Variants in SLC2A13 observed in about 807,000 individuals in gnomAD.
SLC2A13 encodes the protein proton myo-inositol cotransporter.
A neutral mutation model predicts 64.4 loss-of-function variants in SLC2A13; 32 were observed. The ratio of observed to expected loss-of-function variants is 0.50; its 90% confidence interval spans 0.37 to 0.67. The LOEUF is 0.67. Among genes scored for constraint, SLC2A13 ranks in the 30% least tolerant of loss-of-function variants. The pLI is 0.00. For synonymous variants in SLC2A13, 338 were observed against 327.1 expected (o/e 1.03, Z -0.36); for missense variants, 743 against 829.2 (o/e 0.90, Z 1.28).
chr12:39,980,314 C>T (rs562451739), intron 3 of SLC2A13, among the ~76,000 whole-genome samples: 1 of 151,864 alleles, frequency 6.6e-6, no homozygotes, highest in Non-Finnish European at 1.5e-5. Flanking sequence ...ATCAAATTCA[C>T]ACATAACAAT....
At chr12:39,892,112 T>C (rs1428405491) in intron 4 of SLC2A13, among the ~76,000 whole-genome samples, 1 of 152,236 alleles carries the variant, frequency 6.6e-6, no homozygotes, top group African/African-American at 2.4e-5. Flanking sequence ...TACTGCAGTT[T>C]ACATTCCCAC....
chr12:39,909,822 GTT>G (rs2136038059), intron 4 of SLC2A13, among the ~76,000 whole-genome samples: 1 of 149,936 alleles, frequency 6.7e-6, no homozygotes, highest in South Asian at 2.1e-4. Flanking sequence ...AACTCAATGA[GTT>G]ATCCGTTTTC....
At chr12:39,818,151 C>T (rs1942391698) in intron 7 of SLC2A13, among the ~76,000 whole-genome samples, 2 of 152,156 alleles carry the variant, frequency 1.3e-5, no homozygotes, top group South Asian at 4.1e-4. Context: ...GATCCCTTCT[C>T]ACAGTTAAGC....
At chr12:39,801,526 G>A (rs1176262947) in intron 7 of SLC2A13, among the ~76,000 whole-genome samples, 1 of 152,004 alleles carries the variant, frequency 6.6e-6, no homozygotes, top group African/African-American at 2.4e-5. Context: ...TCAAATTTGG[G>A]AAATATTCCA....
At position 40,031,193 on chromosome 12, in the gene SLC2A13, G is replaced by T. The variant is rs141574566; in HGVS notation, c.717-2684C>A. Among the ~76,000 whole-genome samples the T allele has an allele frequency of 4.9e-3, 738 of 152,144 alleles. 9 individuals carry two copies. The highest frequency in any genetic ancestry group is 0.017 in the African/African-American group (718 of 41,506). ...TCAGCTCCGGGCATACAAACCACAA[G>T]AACCTGGTCAAGTTACTTACACCAT... On this transcript the variant is annotated intron_variant, in intron 2 of 9. Transcript: ENST00000280871.
intron 4 of SLC2A13, among the ~76,000 whole-genome samples, chr12:39,900,580 T>C (rs1345221208): frequency 9.9e-5 from 15 of 151,978 alleles, no homozygotes; most frequent in East Asian, 1.9e-4. Flanking sequence ...AGTGAACTCC[T>C]ATTCACAATT....
intron 3 of SLC2A13, among the ~76,000 whole-genome samples, chr12:40,027,908 T>A (rs1947842731): frequency 6.6e-6 from 1 of 152,216 alleles, no homozygotes; most frequent in South Asian, 2.1e-4. Flanking sequence ...AGACTTTTCT[T>A]GGTTTTCTGA....
Position 39,802,098 on chromosome 12 carries a change from G to A in SLC2A13, c.1445+28005C>T, listed in dbSNP as rs200343120. Among the ~76,000 whole-genome samples the A allele has an allele frequency of 1.5e-4, 23 of 152,294 alleles. No homozygotes were observed. In the East Asian group the frequency reaches 4.4e-3, roughly 29 times the overall value. Reference sequence around the variant, plus strand: ...CTAAGTGGGGTTGGGCAGTTGATGGGCTGGTCAGGAAGGCCCCGCTGGTTT... The same window carrying A: ...CTAAGTGGGGTTGGGCAGTTGATGGACTGGTCAGGAAGGCCCCGCTGGTTT... On this transcript the variant is annotated intron_variant, in intron 7 of 9. Coordinates refer to ENST00000280871, the MANE Select transcript of SLC2A13 (RefSeq NM_052885.4).
intron 1 of SLC2A13, among the ~76,000 whole-genome samples, chr12:40,076,742 T>C (rs755259605): frequency 6.6e-6 from 1 of 152,166 alleles, no homozygotes; most frequent in Non-Finnish European, 1.5e-5. Context: ...TCCACGGTGG[T>C]TGAACTAATT....
chr12:39,988,811 TATAAGTCAAAAAC>T (rs1947082067), intron 3 of SLC2A13, among the ~76,000 whole-genome samples: 1 of 152,052 alleles, frequency 6.6e-6, no homozygotes, highest in South Asian at 2.1e-4. Flanking sequence ...TTTTATCATA[TATAAGTCAAAAAC>T]CTTTGAGTCA....
At chr12:40,098,994 G>A (rs1219074365) in intron 1 of SLC2A13, among the ~76,000 whole-genome samples, 1 of 152,172 alleles carries the variant, frequency 6.6e-6, no homozygotes, top group Non-Finnish European at 1.5e-5. Context: ...CACGGTGCTT[G>A]GCCCTGCTGT....
In SLC2A13 at chr12:39,951,327, T is replaced by G; in HGVS notation, c.964A>C (p.Thr322Pro). The G allele has an allele frequency of 6.2e-7, 1 of 1,611,262 alleles. No homozygotes were observed. Among genetic ancestry groups the G allele is most frequent in the East Asian group, 2.2e-5 (1 of 44,740 alleles). Reference sequence around the variant, plus strand: ...CAACCCACAATTAAAGCTCGGCGAGTTGGGGGATAACTCAGCATTCTGCAG... The same window carrying G: ...CAACCCACAATTAAAGCTCGGCGAGGTGGGGGATAACTCAGCATTCTGCAG... Reference protein sequence around the residue: ...VICRMLSYPPTRRALIVGCGL... With the variant: ...VICRMLSYPPPRRALIVGCGL... The change falls in exon 4 of 10, where the codon ACT becomes CCT. Residue 322 changes from threonine (T) to proline (P), a missense_variant. Thr to Pro is a conservative substitution (Grantham distance 38, BLOSUM62 -1). Around this residue, in one of 2 missense-constraint regions of SLC2A13, gnomAD observed 448 missense variants for 447.4 expected, o/e 1.00. Coordinates refer to ENST00000280871, the MANE Select transcript of SLC2A13 (RefSeq NM_052885.4).
chr12:40,047,266 G>T (rs1592037297), intron 2 of SLC2A13, among the ~76,000 whole-genome samples: 1 of 152,160 alleles, frequency 6.6e-6, no homozygotes, highest in Admixed American at 6.5e-5. Context: ...GCAAACAAGG[G>T]TTTGAGTTTA....
chr12:39,968,543 A>G (rs1239635920), intron 3 of SLC2A13, among the ~76,000 whole-genome samples: 2 of 151,846 alleles, frequency 1.3e-5, no homozygotes, highest in African/African-American at 4.8e-5. Flanking sequence ...AACCCCATCT[A>G]TGTTGAACAT....
At chr12:39,864,728 C>A (rs1943858281) in intron 6 of SLC2A13, 34 bp downstream of exon 6, 1 of 1,608,016 alleles carries the variant, frequency 6.2e-7, no homozygotes. Context: ...TTACCAGAGT[C>A]ATGTAAAGGA....
In SLC2A13 at chr12:39,785,839, G is replaced by T. The variant is rs561861388; in HGVS notation, c.1446-20981C>A. On this transcript the variant is annotated intron_variant, in intron 7 of 9. Transcript: ENST00000280871. ...GCTTTAAAATTAGACTGCCCTGCTG[G>T]ATTTTGGACTTGCATGGGGCCTATA... Among the ~76,000 whole-genome samples the T allele has an allele frequency of 2.0e-5, 3 of 152,300 alleles. No individual in the cohort carries two copies. In the East Asian group the frequency reaches 5.8e-4, roughly 29 times the overall value.
chr12:39,901,858 C>A (rs1191778877), intron 4 of SLC2A13, among the ~76,000 whole-genome samples: 1 of 149,446 alleles, frequency 6.7e-6, no homozygotes, highest in Non-Finnish European at 1.5e-5. Flanking sequence ...ACCCAAAGGA[C>A]TATAAATCAT....
At chr12:40,005,576 G>A (rs1947401006) in intron 3 of SLC2A13, among the ~76,000 whole-genome samples, 1 of 152,158 alleles carries the variant, frequency 6.6e-6, no homozygotes, top group African/African-American at 2.4e-5. Flanking sequence ...AGCAGCACTG[G>A]CATCACCTGA....
intron 4 of SLC2A13, among the ~76,000 whole-genome samples, chr12:39,935,521 G>A (rs1945903342): frequency 6.6e-6 from 1 of 152,172 alleles, no homozygotes. Context: ...ACAGTCAGTA[G>A]TAACTAAAAT....
Sources: allele counts gnomAD v4.1 joint callset (sites outside exome capture counted in the v4.1 genomes callset), GRCh38; gene constraint gnomAD v4.1.1; regional missense constraint gnomAD v4.1.1; transcripts MANE v1.5; gene names NCBI Gene and HGNC (gene_info 2026-07-23, HGNC 2026-07-21).